RAB38: variants seen among roughly 807,000 people sequenced by gnomAD.
RAB38 encodes the protein RAB38, member RAS oncogene family.
RAB38 carries 15 observed loss-of-function variants against 18.4 expected under a neutral mutation model. That is an observed-to-expected ratio of 0.82 (90% CI 0.55 to 1.26). RAB38 has a LOEUF of 1.26. Ranked by LOEUF, RAB38 falls within the 50% of genes most tolerant of loss-of-function variation. RAB38 has a pLI of 0.00. For synonymous variants in RAB38, 101 were observed against 104.4 expected (o/e 0.97, Z 0.20); for missense variants, 294 against 267.4 (o/e 1.10, Z -0.69).
At chr11:87,930,923 T>C in the RAB38 span, among the ~76,000 whole-genome samples, 1 of 152,298 alleles carries the variant, frequency 6.6e-6, no homozygotes, top group East Asian at 1.9e-4. Flanking sequence ...CATTGGTCTA[T>C]ATCTCTGTTT....
chr11:88,068,257 G>A, the RAB38 span, among the ~76,000 whole-genome samples: 16 of 151,872 alleles, frequency 1.1e-4, no homozygotes, highest in Non-Finnish European at 1.5e-4. Context: ...AAAATATCTC[G>A]TTGGTAATTG....
chr11:88,085,724 T>C, the RAB38 span, among the ~76,000 whole-genome samples: 2 of 152,002 alleles, frequency 1.3e-5, no homozygotes, highest in Admixed American at 1.3e-4. Flanking sequence ...CATTTGTTGA[T>C]GTGTTGTCCA....
the RAB38 span, among the ~76,000 whole-genome samples, chr11:87,937,777 C>T: frequency 6.6e-5 from 10 of 150,538 alleles, no homozygotes; most frequent in African/African-American, 2.4e-4. Flanking sequence ...TTCATAATAT[C>T]TTCTATTACT....
chr11:87,913,647 G>C, the RAB38 span, among the ~76,000 whole-genome samples: 1 of 152,124 alleles, frequency 6.6e-6, no homozygotes, highest in Non-Finnish European at 1.5e-5. Context: ...TGAGTCATGA[G>C]GGTGAATCTC....
chr11:87,861,777 C>A, the RAB38 span, among the ~76,000 whole-genome samples: 5 of 151,980 alleles, frequency 3.3e-5, no homozygotes, highest in South Asian at 1.0e-3. Context: ...ACCCAACTTA[C>A]ATTCCTGATT....
the RAB38 span, among the ~76,000 whole-genome samples, chr11:87,912,762 C>CTTTTTTTTTTTTTTTTTT: frequency 1.0e-4 from 9 of 86,530 alleles, no homozygotes; most frequent in Non-Finnish European, 1.6e-4. Context: ...AATTTTCTTT[C>CTTTTTTTTTTTTTTTTTT]TTTCTTTTTT....
chr11:87,951,753 T>A, the RAB38 span, among the ~76,000 whole-genome samples: 2 of 151,910 alleles, frequency 1.3e-5, no homozygotes, highest in African/African-American at 4.8e-5. Context: ...ATTGTTCCTC[T>A]GGAAGTTTTG....
the RAB38 span, among the ~76,000 whole-genome samples, chr11:88,082,573 C>T: frequency 6.6e-6 from 1 of 151,902 alleles, no homozygotes; most frequent in African/African-American, 2.4e-5. Flanking sequence ...CAAGAAAGAG[C>T]AACACGACTA....
At chr11:88,006,277 G>C in the RAB38 span, among the ~76,000 whole-genome samples, 1 of 151,518 alleles carries the variant, frequency 6.6e-6, no homozygotes, top group Non-Finnish European at 1.5e-5. Context: ...AAGATGACAA[G>C]TGTTAGCAAC....
the RAB38 span, among the ~76,000 whole-genome samples, chr11:88,106,527 T>C: frequency 1.3e-5 from 2 of 152,208 alleles, no homozygotes; most frequent in African/African-American, 2.4e-5. Context: ...CTGGGTCATC[T>C]GGAATTTTAA....
chr11:88,074,994 A>G, the RAB38 span, among the ~76,000 whole-genome samples: 2 of 152,202 alleles, frequency 1.3e-5, no homozygotes, highest in Admixed American at 6.5e-5. Context: ...GTCAATTCAG[A>G]AAAAGGATAT....
the RAB38 span, among the ~76,000 whole-genome samples, chr11:88,021,115 T>C: frequency 6.6e-6 from 1 of 151,864 alleles, no homozygotes; most frequent in East Asian, 1.9e-4. Context: ...CAGAAATAAA[T>C]GAATTTGAAA....
At chr11:87,886,706 C>T in the RAB38 span, among the ~76,000 whole-genome samples, 1 of 151,768 alleles carries the variant, frequency 6.6e-6, no homozygotes, top group South Asian at 2.1e-4. Context: ...AAAAGAGATA[C>T]TATTATTCAC....
At chr11:87,972,697 T>C in the RAB38 span, among the ~76,000 whole-genome samples, 4 of 152,096 alleles carry the variant, frequency 2.6e-5, no homozygotes, top group African/African-American at 7.2e-5. Flanking sequence ...AGACAGCTTT[T>C]TGAATATTTT....
chr11:87,890,232 T>C, the RAB38 span, among the ~76,000 whole-genome samples: 1 of 152,006 alleles, frequency 6.6e-6, no homozygotes, highest in East Asian at 2.0e-4. Flanking sequence ...ATCCAGACTA[T>C]TTATAATATG....
chr11:87,969,114 G>A, the RAB38 span, among the ~76,000 whole-genome samples: 30 of 152,152 alleles, frequency 2.0e-4, no homozygotes, highest in Non-Finnish European at 3.7e-4. Flanking sequence ...TCTTTGACAT[G>A]AGTCTTGGGG....
At chr11:88,026,650 T>C in the RAB38 span, among the ~76,000 whole-genome samples, 2 of 151,128 alleles carry the variant, frequency 1.3e-5, no homozygotes, top group African/African-American at 2.4e-5. Context: ...AGTGCTGGGA[T>C]TACAGACATG....
At chr11:87,845,493 T>C in the RAB38 span, among the ~76,000 whole-genome samples, 1 of 151,948 alleles carries the variant, frequency 6.6e-6, no homozygotes, top group Non-Finnish European at 1.5e-5. Context: ...ATGGATATGA[T>C]AGTGAAAATA....
At chr11:87,977,872 T>G in the RAB38 span, among the ~76,000 whole-genome samples, 1 of 111,466 alleles carries the variant, frequency 9.0e-6, no homozygotes, top group African/African-American at 3.6e-5. Flanking sequence ...CTTACAAATA[T>G]ATATAAAGAT....
Sources: allele counts gnomAD v4.1 joint callset (sites outside exome capture counted in the v4.1 genomes callset), GRCh38; gene constraint gnomAD v4.1.1; transcripts MANE v1.5; gene names NCBI Gene and HGNC (gene_info 2026-07-23, HGNC 2026-07-21).